The following SCFD1 variants were observed in gnomAD, a reference collection of about 807,000 sequenced individuals.
The protein encoded by SCFD1 is sec1 family domain containing 1.
In SCFD1, 37 loss-of-function variants were observed where a neutral mutation model predicts 103.2. The observed-to-expected ratio is 0.36, with a 90% CI of 0.28 to 0.47. The LOEUF (loss-of-function observed/expected upper bound fraction) is 0.47. SCFD1 is among the 20% of genes least tolerant of loss of function. The pLI, the probability that SCFD1 is intolerant of heterozygous loss-of-function variation, is 1.00. For synonymous variants in SCFD1, 264 were observed against 245.0 expected (o/e 1.08, Z -0.73); for missense variants, 639 against 761.2 (o/e 0.84, Z 1.89).
At chr14:30,622,506 C>T (rs1359043217) in intron 1 of SCFD1, 107 bp downstream of exon 1, 9 of 1,453,790 alleles carry the variant, frequency 6.2e-6, no homozygotes, top group East Asian at 5.1e-5. Flanking sequence ...TTAATCCAGT[C>T]CCTAGAACAT....
At chr14:30,703,966 T>TATATATATAA (rs1433198478) in intron 17 of SCFD1, among the ~76,000 whole-genome samples, 4 of 90,916 alleles carry the variant, frequency 4.4e-5, no homozygotes, top group Non-Finnish European at 4.3e-5. Flanking sequence ...TATATATAAA[T>TATATATATAA]AATGAGATAT....
chr14:30,648,326 A>C (rs980510852), intron 7 of SCFD1, among the ~76,000 whole-genome samples: 3 of 152,232 alleles, frequency 2.0e-5, no homozygotes, highest in African/African-American at 7.2e-5. Flanking sequence ...TATTTCCTAT[A>C]GAATCTAAAA....
chr14:30,672,486 T>C (rs1401961182), intron 11 of SCFD1, among the ~76,000 whole-genome samples: 1 of 152,208 alleles, frequency 6.6e-6, no homozygotes, highest in Admixed American at 6.5e-5. Context: ...TCACTGTTAA[T>C]GAGACATGAC....
chr14:30,632,661 TA>T (rs1161712730), intron 3 of SCFD1, among the ~76,000 whole-genome samples: 2 of 152,242 alleles, frequency 1.3e-5, no homozygotes, highest in African/African-American at 4.8e-5. Context: ...GTCTCTGTAC[TA>T]AGTGTTTAAC....
At chr14:30,733,332 A>G (rs1375828983) in intron 23 of SCFD1, among the ~76,000 whole-genome samples, 2 of 152,206 alleles carry the variant, frequency 1.3e-5, no homozygotes, top group Admixed American at 1.3e-4. Flanking sequence ...TTTAACTGAC[A>G]GAGTAAGTAA....
chr14:30,690,926 AT>A (rs1440057493), intron 14 of SCFD1, among the ~76,000 whole-genome samples: 1 of 152,180 alleles, frequency 6.6e-6, no homozygotes, highest in Non-Finnish European at 1.5e-5. Context: ...TAATTTGTTC[AT>A]TTTTTATGTC....
chr14:30,711,710 A>G (rs904751518), intron 19 of SCFD1, among the ~76,000 whole-genome samples: 1 of 152,104 alleles, frequency 6.6e-6, no homozygotes, highest in Admixed American at 6.5e-5. Flanking sequence ...ATTATAACTT[A>G]TAAATTATTT....
At chr14:30,724,707 A>G (rs754942896) in intron 23 of SCFD1, among the ~76,000 whole-genome samples, 1 of 151,990 alleles carries the variant, frequency 6.6e-6, no homozygotes, top group Non-Finnish European at 1.5e-5. Flanking sequence ...CCATTTGTCA[A>G]TTTTTGCTTT....
chr14:30,677,012 C>T (rs1173369295), intron 14 of SCFD1, among the ~76,000 whole-genome samples: 2 of 152,124 alleles, frequency 1.3e-5, no homozygotes, highest in Non-Finnish European at 2.9e-5. Flanking sequence ...CCATGCCCAA[C>T]CTAAACAATT....
chr14:30,637,525 T>G (rs1884848919), intron 4 of SCFD1, among the ~76,000 whole-genome samples: 1 of 152,146 alleles, frequency 6.6e-6, no homozygotes, highest in Non-Finnish European at 1.5e-5. Flanking sequence ...CATCATTAAT[T>G]CTTAGTGTTA....
At chr14:30,707,636 A>G (rs978770627) in intron 18 of SCFD1, among the ~76,000 whole-genome samples, 2 of 152,068 alleles carry the variant, frequency 1.3e-5, no homozygotes, top group East Asian at 1.9e-4. Context: ...TTTTTTTAGC[A>G]TTAGACAATC....
chr14:30,683,039 C>G, intron 14 of SCFD1: 1 of 1,337,088 alleles, frequency 7.5e-7, no homozygotes, highest in Non-Finnish European at 1.1e-6. Flanking sequence ...GGCTGGGCAG[C>G]CTGGGTCAGG....
At position 30,624,864 on chromosome 14, in the gene SCFD1, A is replaced by G. The variant is rs539701020; in HGVS notation, c.61+2465A>G. Among the ~76,000 whole-genome samples the G allele has an allele frequency of 4.6e-5, 7 of 151,952 alleles. No homozygotes were observed. In the South Asian group the frequency reaches 1.0e-3, roughly 23 times the overall value. On this transcript the variant is annotated intron_variant, in intron 1 of 24. Coordinates refer to ENST00000458591, the MANE Select transcript of SCFD1 (RefSeq NM_016106.4). ...CCCACCAGGAATGCTCCCACCTTCG[A>G]GCCTTTGTATTTGTTTCTTCTTTGT...
intron 11 of SCFD1, among the ~76,000 whole-genome samples, chr14:30,672,235 A>T (rs888275189): frequency 2.0e-5 from 3 of 152,102 alleles, no homozygotes; most frequent in Non-Finnish European, 4.4e-5. Context: ...TTATAATTAG[A>T]TGGAACAAGG....
At chr14:30,644,883 G>A (rs1165465642) in intron 7 of SCFD1, among the ~76,000 whole-genome samples, 5 of 152,058 alleles carry the variant, frequency 3.3e-5, no homozygotes, top group South Asian at 4.1e-4. Flanking sequence ...GGTTGTTTTT[G>A]GAGACTTCAG....
chr14:30,683,511 G>T, intron 14 of SCFD1: 2 of 308,458 alleles, frequency 6.5e-6, no homozygotes, highest in South Asian at 5.7e-5. Context: ...TTGCCCATGG[G>T]ACCCCCAGCG....
intron 10 of SCFD1, among the ~76,000 whole-genome samples, chr14:30,655,429 T>C (rs61976711): frequency 0.49 from 74,994 of 151,996 alleles, 21,505 homozygotes; most frequent in African/African-American, 0.79. Flanking sequence ...AGTATATGAT[T>C]GTATTGTGAT....
At chr14:30,724,729 C>G (rs1295092309) in intron 23 of SCFD1, among the ~76,000 whole-genome samples, 12 of 152,084 alleles carry the variant, frequency 7.9e-5, no homozygotes, top group Non-Finnish European at 1.3e-4. Flanking sequence ...GTTGTAGTTA[C>G]TTTTGGTATC....
chr14:30,731,877 C>T (rs1187492775), intron 23 of SCFD1, among the ~76,000 whole-genome samples: 1 of 152,198 alleles, frequency 6.6e-6, no homozygotes, highest in African/African-American at 2.4e-5. Flanking sequence ...CTGGCCAGAA[C>T]TTCCAACACT....
Sources: gnomAD v4.1 joint callset for allele counts (sites outside exome capture counted in the v4.1 genomes callset) on GRCh38, gnomAD v4.1.1 for gene constraint, MANE v1.5 for transcripts, NCBI Gene and HGNC (gene_info 2026-07-23, HGNC 2026-07-21) for gene names.